The following ANKRD50 variants were observed in gnomAD, a reference collection of about 807,000 sequenced individuals.
ANKRD50 encodes ankyrin repeat domain-containing protein 50.
A neutral mutation model predicts 112.0 loss-of-function variants in ANKRD50; 40 were observed. The observed-to-expected ratio is 0.36, with a 90% CI of 0.28 to 0.46. ANKRD50 has a LOEUF of 0.46. Ranked by LOEUF, ANKRD50 falls within the 20% of genes least tolerant of loss-of-function variation. The probability of loss-of-function intolerance (pLI) is 1.00; values close to 1 mark genes in which losing one functional copy is unlikely to be tolerated. For synonymous variants in ANKRD50, 613 were observed against 619.1 expected, an observed-to-expected ratio of 0.99 and a Z score of 0.15; for missense variants, 1,487 against 1,701.7, an observed-to-expected ratio of 0.87 and a Z score of 2.22.
chr4:124,669,226 G>C lies in ANKRD50; in HGVS notation c.4051C>G (p.Gln1351Glu). The C allele has an allele frequency of 2.5e-6, 4 of 1,613,618 alleles. No individual in the cohort carries two copies. The highest frequency in any genetic ancestry group is 3.4e-6 in the Non-Finnish European group (4 of 1,179,780). The change falls in exon 4 of 5, where the codon CAA becomes GAA. Residue 1351 changes from glutamine to glutamate, a missense_variant. By Grantham distance (29) the Gln-to-Glu change is conservative. This residue lies in a region of ANKRD50 where 441 missense variants were observed against 432.2 expected (regional missense o/e 1.02). Transcript: ENST00000504087. ...TTTCTCTTCTTCTGTTCCCCACTTT[G>C]TTGGTGAATAAGAAACTGCTGTTGA... ...RSQQQFLIHQ[Q>E]SGEQKKRNGI...
chr4:124,669,035 A>G lies in ANKRD50; in HGVS notation c.4242T>C (p.Ile1414=). The G allele has an allele frequency of 6.2e-7, 1 of 1,612,334 alleles. No homozygotes were observed. Among genetic ancestry groups the G allele is most frequent in the Non-Finnish European group, 8.5e-7 (1 of 1,179,360 alleles). The change falls in exon 4 of 5, where the codon ATT becomes ATC. Residue 1414 remains isoleucine, a synonymous_variant. Coordinates refer to ENST00000504087, the MANE Select transcript of ANKRD50 (RefSeq NM_020337.3). The part of the protein sequence containing the change: ...LSLKQALKLQ[I]EGSDPSFNYK... ...AGTTGAAGCTAGGGTCAGAACCTTCAATCTGAAGCTTCAGAGCTTGTTTAA... is the reference window on the plus strand; with the variant it reads ...AGTTGAAGCTAGGGTCAGAACCTTCGATCTGAAGCTTCAGAGCTTGTTTAA...
intron 3 of ANKRD50, among the ~76,000 whole-genome samples, chr4:124,675,791 C>T (rs1730760905): frequency 6.6e-6 from 1 of 151,454 alleles, no homozygotes; most frequent in African/African-American, 2.4e-5. Flanking sequence ...TCTTTCAGTC[C>T]CATAACAAGG....
At chr4:124,712,403 C>G (rs1000278366) in intron 1 of ANKRD50, 55 bp downstream of exon 1, 1 of 155,592 alleles carries the variant, frequency 6.4e-6, no homozygotes, top group African/African-American at 2.4e-5. Context: ...GGCCTCCCAG[C>G]TTCCAACCCG....
intron 2 of ANKRD50, among the ~76,000 whole-genome samples, chr4:124,708,012 T>A (rs888110201): frequency 1.3e-5 from 2 of 152,082 alleles, no homozygotes; most frequent in Admixed American, 6.5e-5. Context: ...AAATTATAAA[T>A]TACATACCTT....
At chr4:124,677,497 T>C (rs1448680718) in intron 3 of ANKRD50, among the ~76,000 whole-genome samples, 1 of 151,864 alleles carries the variant, frequency 6.6e-6, no homozygotes. Flanking sequence ...AAAAATATTG[T>C]TGGCTAAAAA....
intron 2 of ANKRD50, among the ~76,000 whole-genome samples, chr4:124,689,435 AG>A (rs1209516492): frequency 6.6e-6 from 1 of 152,196 alleles, no homozygotes; most frequent in Non-Finnish European, 1.5e-5. Context: ...ATATTAATGC[AG>A]GTATGTCTGT....
intron 3 of ANKRD50, among the ~76,000 whole-genome samples, chr4:124,678,104 G>T (rs2110512441): frequency 6.6e-6 from 1 of 152,134 alleles, no homozygotes; most frequent in East Asian, 1.9e-4. Context: ...TCAACATACT[G>T]TAAAATGTAT....
rs1472264067 is a variant in ANKRD50 at position 124,710,163 on chromosome 4, C to T, written c.349G>A (p.Asp117Asn). Residue 117 changes from aspartate to asparagine, a missense_variant, in exon 2 of 5, where the codon GAC becomes AAC. Asp to Asn is a conservative substitution (Grantham distance 23, BLOSUM62 1). Around this residue, in one of 2 missense-constraint regions of ANKRD50, gnomAD observed 1,046 missense variants for 1,269.5 expected, o/e 0.82. Transcript: ENST00000504087. Reference sequence around the variant, plus strand: ...CCTCCAACACACAAAGTATCAGAGTCCTGGGCTTTGCAGAAATGAAAGGCC... The same window carrying T: ...CCTCCAACACACAAAGTATCAGAGTTCTGGGCTTTGCAGAAATGAAAGGCC... Reference protein sequence around the residue: ...ALAFHFCKAQDSDTLCVGGFI... With the variant: ...ALAFHFCKAQNSDTLCVGGFI... 1.2e-6 allele frequency: 2 copies of T among 1,614,192 alleles called. No homozygotes were observed. Among genetic ancestry groups the T allele is most frequent in the Admixed American group, 3.3e-5 (2 of 60,018 alleles).
chr4:124,702,295 G>T (rs558266216), intron 2 of ANKRD50, among the ~76,000 whole-genome samples: 13 of 152,296 alleles, frequency 8.5e-5, no homozygotes, highest in Admixed American at 2.6e-4. Flanking sequence ...AAAAATGAAT[G>T]AAGTAAGTAA....
rs1730625072 is a variant in ANKRD50 at position 124,670,734 on chromosome 4, C to G, written c.2543G>C (p.Trp848Ser). ...LDENHRDDAG[W>S]TPLHMAAFEG... ...AAAAGCTGCCATGTGCAAAGGTGTC[C>G]ATCCAGCATCATCTCTGTGATTTTC... Residue 848 changes from tryptophan (W) to serine (S), a missense_variant, in exon 4 of 5, where the codon TGG (tryptophan) becomes TCG (serine). Physicochemically the swap from Trp to Ser is radical, Grantham distance 177 (BLOSUM62 -3). Coordinates refer to ENST00000504087, the MANE Select transcript of ANKRD50 (RefSeq NM_020337.3). The G allele has an allele frequency of 6.2e-7, 1 of 1,613,510 alleles. No homozygotes were observed. Among genetic ancestry groups the G allele is most frequent in the African/African-American group, 1.3e-5 (1 of 74,862 alleles).
intron 2 of ANKRD50, among the ~76,000 whole-genome samples, chr4:124,680,868 T>C (rs1190196599): frequency 6.6e-6 from 1 of 151,974 alleles, no homozygotes; most frequent in African/African-American, 2.4e-5. Flanking sequence ...GAAAATCTAG[T>C]TGAGGCAACA....
At position 124,712,276 on chromosome 4, in the gene ANKRD50, C is replaced by T. The variant is rs557443061; in HGVS notation, c.-764+182G>A. 2.6e-5 allele frequency among the ~76,000 whole-genome samples: 4 copies of T among 152,288 alleles called. No homozygotes were observed. In the South Asian group the frequency reaches 8.3e-4, roughly 32 times the overall value. On this transcript the variant is annotated intron_variant, in intron 1 of 4. Coordinates refer to ENST00000504087, the MANE Select transcript of ANKRD50 (RefSeq NM_020337.3). ...CGGTCGGCTTCCGCCTCTGCGCTCC[C>T]GCCCCATGCCCCGCTCCCGCTCCCA...
At chr4:124,678,536 A>G in intron 3 of ANKRD50, 140 bp downstream of exon 3, 1 of 736,172 alleles carries the variant, frequency 1.4e-6, no homozygotes, top group Non-Finnish European at 2.2e-6. Context: ...TTTTTATATA[A>G]ATTTCAAAAC....
chr4:124,672,471 T>C lies in ANKRD50; in HGVS notation c.806A>G (p.Tyr269Cys). ...KAYIVKDVQQ[Y>C]ILHRLDQEEA... ...TTCTTGATCTAAACGATGAAGAATG[T>C]ACTGCTGAACATCCTTGACGATATA... The change falls in exon 4 of 5, where the codon TAC (tyrosine) becomes TGC (cysteine). Residue 269 changes from tyrosine to cysteine, a missense_variant. Transcript: ENST00000504087. The C allele has an allele frequency of 6.2e-7, 1 of 1,611,434 alleles. No homozygotes were observed. The highest frequency in any genetic ancestry group is 8.5e-7 in the Non-Finnish European group (1 of 1,178,972).
intron 2 of ANKRD50, among the ~76,000 whole-genome samples, chr4:124,690,974 A>G (rs1560827086): frequency 6.6e-6 from 1 of 152,236 alleles, no homozygotes; most frequent in Non-Finnish European, 1.5e-5. Flanking sequence ...AACTCAATAA[A>G]TATAATGTAT....
rs1730677740 is a variant in ANKRD50, at chr4:124,672,217, A to G, written c.1060T>C (p.Leu354=). 1 of 1,613,846 alleles carries G rather than the reference A, an allele frequency of 6.2e-7. No individual in the cohort carries two copies. The highest frequency in any genetic ancestry group is 1.1e-5 in the South Asian group (1 of 91,078). Residue 354 remains leucine, a synonymous_variant, in exon 4 of 5, where the codon TTG becomes CTG. Transcript: ENST00000504087. ...CGGCAGGCTGCAAGAATCACATTCAAAATAGGCTGAACCTTTGCAAATTGT... is the reference window on the plus strand; with the variant it reads ...CGGCAGGCTGCAAGAATCACATTCAGAATAGGCTGAACCTTTGCAAATTGT... The part of the protein sequence containing the change: ...RKQFAKVQPI[L]NVILAACRPL...
Position 124,670,401 on chromosome 4 carries a change from A to G in ANKRD50, c.2876T>C (p.Leu959Pro). 6.2e-7 allele frequency: 1 copy of G among 1,613,868 alleles called. No individual in the cohort carries two copies. Among genetic ancestry groups the G allele is most frequent in the Non-Finnish European group, 8.5e-7 (1 of 1,179,896 alleles). The change falls in exon 4 of 5, where the codon CTT (leucine) becomes CCT (proline). Residue 959 changes from leucine (L) to proline (P), a missense_variant. Physicochemically the swap from Leu to Pro is moderately conservative, Grantham distance 98. Around this residue, in one of 2 missense-constraint regions of ANKRD50, gnomAD observed 1,046 missense variants for 1,269.5 expected, o/e 0.82. Coordinates refer to ENST00000504087, the MANE Select transcript of ANKRD50 (RefSeq NM_020337.3). ...TLYILALENQ[L>P]TMAEYFLENG... The stretch of plus-strand genomic sequence containing the variant: ...TTCTAAAAAATATTCGGCCATTGTA[A>G]GCTGATTTTCTAAGGCCAAGATATA...
chr4:124,704,868 G>A (rs1371349055), intron 2 of ANKRD50, among the ~76,000 whole-genome samples: 1 of 152,182 alleles, frequency 6.6e-6, no homozygotes, highest in Non-Finnish European at 1.5e-5. Context: ...GCCGAGGTGG[G>A]TGGATCACGA....
Position 124,710,742 on chromosome 4 carries a change from T to C in ANKRD50, c.-231A>G. The C allele has an allele frequency of 1.8e-6, 1 of 546,188 alleles. No homozygotes were observed. Among genetic ancestry groups the C allele is most frequent in the Non-Finnish European group, 3.2e-6 (1 of 310,708 alleles). The allele number at this position is 546,188 out of a possible 1,614,324, so 33.8% of individuals were successfully genotyped here. A position where few individuals can be genotyped will look rare whatever the true frequency, so the allele number is the denominator to read the frequency against. ...GTTGTTGAACTGAGGGAGAAACGCC[T>C]GATTCCACAGCTCAGCAACACTTTT... is the stretch of plus-strand genomic sequence containing the variant. On this transcript the variant is annotated 5_prime_UTR_variant, in exon 2 of 5. Transcript: ENST00000504087.
Sources: gnomAD v4.1 joint callset for allele counts (sites outside exome capture counted in the v4.1 genomes callset) on GRCh38, gnomAD v4.1.1 for gene constraint, gnomAD v4.1.1 regional missense constraint, MANE v1.5 for transcripts, NCBI Gene and HGNC (gene_info 2026-07-23, HGNC 2026-07-21) for gene names.